Variants in ZNF626 observed in about 807,000 individuals in gnomAD.
The protein encoded by ZNF626 is zinc finger protein 626, also known as CTC-513N18.7.
A neutral mutation model predicts 11.7 loss-of-function variants in ZNF626; 4 were observed. The observed-to-expected ratio is 0.34, with a 90% CI of 0.17 to 0.78. The LOEUF is 0.78. Ranked by LOEUF, ZNF626 falls within the 30% of genes least tolerant of loss-of-function variation. The pLI, the probability that ZNF626 is intolerant of heterozygous loss-of-function variation, is 0.57. For synonymous variants in ZNF626, 179 were observed against 198.6 expected (o/e 0.90, Z 0.83); for missense variants, 588 against 587.1 (o/e 1.00, Z -0.01).
chr19:20,661,550 A>G lies in ZNF626; in HGVS notation c.-104T>C. On this transcript the variant is annotated 5_prime_UTR_variant, in exon 1 of 4. Transcript: ENST00000601440. ...CCTTTAGGAGAAGAACCAGACCTGG[A>G]GCTCTGACTGCAGCGAGAGACAAAG... The G allele has an allele frequency of 2.3e-6, 3 of 1,305,078 alleles. No homozygotes were observed. The highest frequency in any genetic ancestry group is 3.2e-6 in the Non-Finnish European group (3 of 928,900). The allele number at this position is 1,305,078 out of a possible 1,614,324, so 80.8% of individuals were successfully genotyped here.
Position 20,624,969 on chromosome 19 carries a change from T to G in ZNF626, c.908A>C (p.His303Pro), listed in dbSNP as rs200978080. Residue 303 changes from histidine to proline, a missense_variant, in exon 4 of 4, where the codon CAT becomes CCT. Transcript: ENST00000601440. Reference protein sequence around the residue: ...AFNRSSTLTTHKIIHTGEKPY... With the variant: ...AFNRSSTLTTPKIIHTGEKPY... ...TTTTTCTCCAGTATGAATTATCTTA[T>G]GTGTAGTAAGGGTTGAGGACCGGTT... 1 of 1,613,996 alleles carries G rather than the reference T, an allele frequency of 6.2e-7. No homozygotes were observed. Among genetic ancestry groups the G allele is most frequent in the East Asian group, 2.2e-5 (1 of 44,876 alleles).
chr19:20,633,589 C>A (rs1164656272), intron 3 of ZNF626, among the ~76,000 whole-genome samples: 2 of 152,218 alleles, frequency 1.3e-5, no homozygotes, highest in Non-Finnish European at 2.9e-5. Context: ...ACCCTCTGAG[C>A]TGGGTGAGGG....
Position 20,621,258 on chromosome 19 carries a change from A to G in ZNF626, c.*3032T>C, listed in dbSNP as rs1969755031. The G allele has an allele frequency of 6.6e-6, 1 of 152,192 alleles. No homozygotes were observed. The highest frequency in any genetic ancestry group is 2.1e-4 in the South Asian group (1 of 4,828). 9.4% of individuals were successfully genotyped at this position (152,192 alleles called of 1,614,324 possible). A position where few individuals can be genotyped will look rare whatever the true frequency, so the allele number is the denominator to read the frequency against. Reference sequence around the variant, plus strand: ...ATTCTCCTGCCTCAGCTTCCCGAGTAGCTAGGAATACGGGTGCACCACCAT... The same window carrying G: ...ATTCTCCTGCCTCAGCTTCCCGAGTGGCTAGGAATACGGGTGCACCACCAT... On this transcript the variant is annotated 3_prime_UTR_variant, in exon 4 of 4. Coordinates refer to ENST00000601440, the MANE Select transcript of ZNF626 (RefSeq NM_001076675.3).
rs1233742003 is a variant in ZNF626, at chr19:20,621,133, TTTTC to T, written c.*3153_*3156del. On this transcript the variant is annotated 3_prime_UTR_variant, in exon 4 of 4. Coordinates refer to ENST00000601440, the MANE Select transcript of ZNF626 (RefSeq NM_001076675.3). ...CAGGTGTAAGCCACTGTCCTGGCTTTTTTCTTTCTTTTTGAGATGGAGTGTCCGT... is the reference window on the plus strand; with the variant it reads ...CAGGTGTAAGCCACTGTCCTGGCTTTTTTCTTTTTGAGATGGAGTGTCCGT... The T allele has an allele frequency of 2.7e-5, 4 of 150,592 alleles. No homozygotes were observed. Among genetic ancestry groups the T allele is most frequent in the African/African-American group, 7.4e-5 (3 of 40,590 alleles). The allele number at this position is 150,592 out of a possible 1,614,324, so 9.3% of individuals were successfully genotyped here.
Position 20,625,513 on chromosome 19 carries a change from C to T in ZNF626, c.364G>A (p.Glu122Lys), listed in dbSNP as rs376982092. The change falls in exon 4 of 4, where the codon GAG becomes AAG. Residue 122 changes from glutamate to lysine, a missense_variant. Coordinates refer to ENST00000601440, the MANE Select transcript of ZNF626 (RefSeq NM_001076675.3). ...TAACCTTCTTTGTGCACCTTACACT[C>T]ATCCACACTTATACATCCTTTTTTT... is the stretch of plus-strand genomic sequence containing the variant. ...QLKKGCISVD[E>K]CKVHKEGYNE... is the part of the protein sequence containing the mutation. 5.6e-6 allele frequency: 9 copies of T among 1,613,888 alleles called. No homozygotes were observed. Among genetic ancestry groups the T allele is most frequent in the Non-Finnish European group, 7.6e-6 (9 of 1,179,976 alleles).
intron 3 of ZNF626, among the ~76,000 whole-genome samples, chr19:20,635,319 T>C (rs1555770810): frequency 6.6e-6 from 1 of 152,142 alleles, no homozygotes; most frequent in African/African-American, 2.4e-5. Flanking sequence ...ATAATTAATA[T>C]GACCAAACTG....
chr19:20,633,329 T>G (rs1468115118), intron 3 of ZNF626, among the ~76,000 whole-genome samples: 6 of 152,326 alleles, frequency 3.9e-5, no homozygotes, highest in African/African-American at 1.4e-4. Context: ...GAGGGACATT[T>G]AAGTCTGCAG....
chr19:20,631,917 C>T lies in ZNF626; in HGVS notation c.227-6267G>A, dbSNP rs1247649394. Among the ~76,000 whole-genome samples the T allele has an allele frequency of 2.5e-4, 38 of 151,882 alleles. 1 individual carries two copies. The highest frequency in any genetic ancestry group is 6.3e-4 in the South Asian group (3 of 4,788). The stretch of plus-strand genomic sequence containing the variant: ...TTTACATTTTGGCATGATTTTGCAG[C>T]GGCTGGTACCGGTTGCTCCTTTCCA... On this transcript the variant is annotated intron_variant, in intron 3 of 3. Transcript: ENST00000601440.
chr19:20,655,498 C>T (rs1417873888), intron 1 of ZNF626, among the ~76,000 whole-genome samples: 3 of 152,158 alleles, frequency 2.0e-5, no homozygotes, highest in African/African-American at 7.2e-5. Flanking sequence ...CAAAGCAATA[C>T]ATCTTAAGTA....
chr19:20,641,569 T>C (rs1372254707), intron 3 of ZNF626, among the ~76,000 whole-genome samples: 2 of 152,134 alleles, frequency 1.3e-5, no homozygotes, highest in African/African-American at 4.8e-5. Flanking sequence ...ACAATGTGAA[T>C]ATACTTAACA....
intron 3 of ZNF626, among the ~76,000 whole-genome samples, chr19:20,644,427 T>C (rs1410175107): frequency 6.6e-6 from 1 of 152,182 alleles, no homozygotes; most frequent in East Asian, 1.9e-4. Context: ...CAACTGAAGA[T>C]GAAACCTAAT....
At chr19:20,625,848 A>AG (rs5827474) in intron 3 of ZNF626, among the ~76,000 whole-genome samples, 198 bp from the exon 4 acceptor site, 1 of 151,550 alleles carries the variant, frequency 6.6e-6, no homozygotes, top group Non-Finnish European at 1.5e-5. Flanking sequence ...AAAACTTATA[A>AG]TAAGTTGTGA....
chr19:20,658,915 A>C (rs1280245832), intron 1 of ZNF626, among the ~76,000 whole-genome samples: 1 of 152,192 alleles, frequency 6.6e-6, no homozygotes, highest in Non-Finnish European at 1.5e-5. Context: ...TGGTACAGCT[A>C]CTTACAGAAC....
At chr19:20,625,796 T>C (rs1969823767) in intron 3 of ZNF626, 146 bp from the exon 4 acceptor site, 2 of 909,540 alleles carry the variant, frequency 2.2e-6, no homozygotes, top group Admixed American at 3.7e-5. Flanking sequence ...TTCCTGGACA[T>C]ATGAATTTAA....
chr19:20,628,858 A>G (rs1435444451), intron 3 of ZNF626, among the ~76,000 whole-genome samples: 3 of 152,166 alleles, frequency 2.0e-5, no homozygotes, highest in Admixed American at 1.3e-4. Flanking sequence ...GCCCTTGCCC[A>G]TGCCTATGTC....
At chr19:20,630,177 T>A (rs1969886794) in intron 3 of ZNF626, among the ~76,000 whole-genome samples, 1 of 152,192 alleles carries the variant, frequency 6.6e-6, no homozygotes, top group Non-Finnish European at 1.5e-5. Flanking sequence ...TGGATTCGGT[T>A]TGCCAGTATT....
intron 3 of ZNF626, among the ~76,000 whole-genome samples, chr19:20,629,777 TCCTG>T (rs1313499659): frequency 3.5e-4 from 54 of 152,288 alleles, no homozygotes; most frequent in African/African-American, 1.2e-3. Flanking sequence ...TATTTCCTTC[TCCTG>T]CCTGATTGCC....
Position 20,623,843 on chromosome 19 carries a change from ACATT to A in ZNF626, c.*443_*446del. On this transcript the variant is annotated 3_prime_UTR_variant, in exon 4 of 4. Transcript: ENST00000601440. ...GACAGAACTTGTTATATGCTTTGCCACATTCTTCACACTTGTAGGGTTTCTTTCC... is the reference window on the plus strand; with the variant it reads ...GACAGAACTTGTTATATGCTTTGCCACTTCACACTTGTAGGGTTTCTTTCC... 1 of 249,630 alleles carries A rather than the reference ACATT, an allele frequency of 4.0e-6. No homozygotes were observed. Among genetic ancestry groups the A allele is most frequent in the Non-Finnish European group, 8.0e-6 (1 of 125,586 alleles). The allele number at this position is 249,630 out of a possible 1,614,324, so 15.5% of individuals were successfully genotyped here.
intron 3 of ZNF626, among the ~76,000 whole-genome samples, chr19:20,631,161 T>C (rs528393407): frequency 2.0e-5 from 3 of 152,222 alleles, no homozygotes; most frequent in East Asian, 3.9e-4. Context: ...ATTTCTGTTC[T>C]TTTACATTTG....
Sources: gnomAD v4.1 joint callset for allele counts (sites outside exome capture counted in the v4.1 genomes callset) on GRCh38, gnomAD v4.1.1 for gene constraint, MANE v1.5 for transcripts, NCBI Gene and HGNC (gene_info 2026-07-23, HGNC 2026-07-21) for gene names.